The following ANK3 variants were observed in gnomAD, a reference collection of about 807,000 sequenced individuals.
ANK3 encodes the protein ankyrin-3.
A neutral mutation model predicts 370.9 loss-of-function variants in ANK3; 57 were observed. The ratio of observed to expected loss-of-function variants is 0.15; its 90% CI spans 0.12 to 0.19. The LOEUF (loss-of-function observed/expected upper bound fraction) is 0.19, where lower values mean the gene tolerates loss of function less well. Among genes scored for constraint, ANK3 ranks in the 10% least tolerant of loss-of-function variants. The pLI, the probability that ANK3 is intolerant of heterozygous loss-of-function variation, is 1.00. For missense variants in ANK3, 4,439 were observed against 5,302.1 expected (o/e 0.84, Z 5.06); for synonymous variants, 1,929 against 1,946.3 (o/e 0.99, Z 0.23).
chr10:60,474,694 G>T (rs2075012001), intron 2 of ANK3, among the ~76,000 whole-genome samples: 1 of 151,932 alleles, frequency 6.6e-6, no homozygotes, highest in African/African-American at 2.4e-5. Context: ...TAGCATTTAG[G>T]GTGTTTTCCA....
chr10:60,176,179 C>CAA (rs1328240039), intron 18 of ANK3, among the ~76,000 whole-genome samples: 2 of 80,086 alleles, frequency 2.5e-5, no homozygotes, highest in Non-Finnish European at 5.3e-5. Flanking sequence ...GCTAAAAATA[C>CAA]AAAAAAAAAA....
chr10:60,040,442 A>C (rs1004867445), intron 43 of ANK3, among the ~76,000 whole-genome samples: 2 of 152,138 alleles, frequency 1.3e-5, no homozygotes, highest in Non-Finnish European at 2.9e-5. Context: ...GAAGGTAAAC[A>C]CTACCTGGAA....
intron 7 of ANK3, among the ~76,000 whole-genome samples, chr10:60,241,555 A>G (rs2097458796): frequency 6.6e-6 from 1 of 152,174 alleles, no homozygotes; most frequent in African/African-American, 2.4e-5. Flanking sequence ...GTGCTTGGCC[A>G]AGACCCCAGG....
chr10:60,356,572 C>T (rs966991173), intron 1 of ANK3, among the ~76,000 whole-genome samples: 1 of 152,220 alleles, frequency 6.6e-6, no homozygotes, highest in African/African-American at 2.4e-5. Flanking sequence ...ACATTGGCCC[C>T]AGCTAAATGC....
chr10:60,174,945 C>T (rs2095886860), intron 18 of ANK3, among the ~76,000 whole-genome samples: 1 of 152,136 alleles, frequency 6.6e-6, no homozygotes, highest in Non-Finnish European at 1.5e-5. Context: ...GTCTCAAACT[C>T]CTGGGCTCAA....
At chr10:60,537,072 A>C (rs1026844438) in intron 2 of ANK3, among the ~76,000 whole-genome samples, 1 of 152,070 alleles carries the variant, frequency 6.6e-6, no homozygotes, top group African/African-American at 2.4e-5. Context: ...TGTACGGGAA[A>C]AAAATGTCAA....
intron 2 of ANK3, among the ~76,000 whole-genome samples, chr10:60,538,092 T>C (rs1219805717): frequency 2.0e-5 from 3 of 151,940 alleles, no homozygotes; most frequent in African/African-American, 4.8e-5. Context: ...TTTTGTGTTA[T>C]TCCATATCCA....
intron 43 of ANK3, among the ~76,000 whole-genome samples, chr10:60,031,493 T>G (rs1471000949): frequency 6.6e-6 from 1 of 152,238 alleles, no homozygotes; most frequent in African/African-American, 2.4e-5. Flanking sequence ...CCTCCTTGTT[T>G]AGTGTGAAAA....
intron 14 of ANK3, among the ~76,000 whole-genome samples, chr10:60,197,925 C>A (rs914715001): frequency 6.6e-6 from 1 of 152,102 alleles, no homozygotes; most frequent in African/African-American, 2.4e-5. Flanking sequence ...CAAGAACAAA[C>A]AAAAACAACC....
At chr10:60,166,739 C>T (rs2095634506) in intron 22 of ANK3, 85 bp downstream of exon 22, 9 of 1,586,388 alleles carry the variant, frequency 5.7e-6, no homozygotes, top group Non-Finnish European at 6.9e-6. Context: ...TCCTGATAAA[C>T]ATTTTTGCAA....
intron 1 of ANK3, among the ~76,000 whole-genome samples, chr10:60,339,936 T>C (rs559996602): frequency 2.6e-5 from 4 of 152,202 alleles, no homozygotes; most frequent in Non-Finnish European, 5.9e-5. Context: ...GATGATTACA[T>C]GTATCTATGA....
At chr10:60,594,023 C>T (rs939858309) in intron 2 of ANK3, among the ~76,000 whole-genome samples, 9 of 152,172 alleles carry the variant, frequency 5.9e-5, no homozygotes, top group African/African-American at 1.9e-4. Context: ...TCCTTCCCTA[C>T]ATCATTGCAC....
At position 60,264,647 on chromosome 10, in the gene ANK3, G is replaced by GA. The variant is rs60388251; in HGVS notation, c.514-628dup. ...GCAAGACTCTGTCAAAAAAAAAAAA[G>GA]AAAAAAAAAAATCTCAGGCTAAATC... On this transcript the variant is annotated intron_variant, in intron 5 of 43. Coordinates refer to ENST00000280772, the MANE Select transcript of ANK3 (RefSeq NM_020987.5). 3.1e-4 allele frequency among the ~76,000 whole-genome samples: 45 copies of GA among 147,322 alleles called. No individual in the cohort carries two copies. In the Middle Eastern group the frequency reaches 0.017, roughly 56 times the overall value.
At chr10:60,348,821 T>C (rs149889381) in intron 1 of ANK3, among the ~76,000 whole-genome samples, 1 of 152,334 alleles carries the variant, frequency 6.6e-6, no homozygotes, top group African/African-American at 2.4e-5. Flanking sequence ...TAGGACCACA[T>C]TGTCTGGTAC....
At chr10:60,493,968 T>C (rs1179534048) in intron 2 of ANK3, among the ~76,000 whole-genome samples, 1 of 152,184 alleles carries the variant, frequency 6.6e-6, no homozygotes, top group Non-Finnish European at 1.5e-5. Flanking sequence ...TTAATCATGA[T>C]AATATCATTT....
At chr10:60,440,884 C>G (rs2064283150) in intron 2 of ANK3, among the ~76,000 whole-genome samples, 1 of 152,130 alleles carries the variant, frequency 6.6e-6, no homozygotes, top group African/African-American at 2.4e-5. Flanking sequence ...TTGGAACTAA[C>G]AGTAGATACA....
intron 2 of ANK3, among the ~76,000 whole-genome samples, chr10:60,513,443 G>T (rs2076138979): frequency 6.6e-6 from 1 of 152,070 alleles, no homozygotes; most frequent in South Asian, 2.1e-4. Flanking sequence ...CTCTAGGTTG[G>T]CAGTGAGAAC....
intron 23 of ANK3, among the ~76,000 whole-genome samples, chr10:60,155,782 C>T (rs1167580127): frequency 6.6e-6 from 1 of 152,298 alleles, no homozygotes; most frequent in Non-Finnish European, 1.5e-5. Context: ...GTCTTCTGGC[C>T]TCCATCTTTC....
intron 2 of ANK3, among the ~76,000 whole-genome samples, chr10:60,506,843 A>C (rs980095508): frequency 3.3e-5 from 5 of 152,136 alleles, no homozygotes; most frequent in African/African-American, 1.2e-4. Flanking sequence ...TCTTACATCC[A>C]AATTTTTTTT....
Sources: allele counts gnomAD v4.1 joint callset (sites outside exome capture counted in the v4.1 genomes callset), GRCh38; gene constraint gnomAD v4.1.1; transcripts MANE v1.5; gene names NCBI Gene and HGNC (gene_info 2026-07-23, HGNC 2026-07-21).